Variants in ULK4 observed in about 807,000 individuals in gnomAD.
The protein encoded by ULK4 is inactive serine/threonine-protein kinase ULK4.
In ULK4, 133 loss-of-function variants were observed where a neutral mutation model predicts 160.6. The ratio of observed to expected loss-of-function variants is 0.83; its 90% CI spans 0.72 to 0.96. The LOEUF is 0.96. Among genes scored for constraint, ULK4 ranks in the 40% least tolerant of loss-of-function variants. The pLI, the probability that ULK4 is intolerant of heterozygous loss-of-function variation, is 0.00. For missense variants in ULK4, 1,580 were observed against 1,499.5 expected, an observed-to-expected ratio of 1.05 and a Z score of -0.89; for synonymous variants, 534 against 539.8, an observed-to-expected ratio of 0.99 and a Z score of 0.15.
chr3:41,755,412 T>A (rs1385043188), intron 21 of ULK4, among the ~76,000 whole-genome samples: 1 of 152,158 alleles, frequency 6.6e-6, no homozygotes, highest in African/African-American at 2.4e-5. Context: ...TATCTAAGCA[T>A]CAGTCTCACC....
At chr3:41,903,377 G>A (rs1698438580) in intron 12 of ULK4, among the ~76,000 whole-genome samples, 1 of 152,154 alleles carries the variant, frequency 6.6e-6, no homozygotes, top group Non-Finnish European at 1.5e-5. Flanking sequence ...CTGTGGCCAG[G>A]AATTCGAGAC....
intron 21 of ULK4, among the ~76,000 whole-genome samples, chr3:41,757,223 T>A (rs986143228): frequency 1.3e-5 from 2 of 152,148 alleles, no homozygotes; most frequent in African/African-American, 4.8e-5. Context: ...AAGGATAATT[T>A]AAGGTATTTC....
chr3:41,876,253 G>A (rs1008310197), intron 17 of ULK4, among the ~76,000 whole-genome samples: 1 of 152,036 alleles, frequency 6.6e-6, no homozygotes, highest in South Asian at 2.1e-4. Context: ...TGATGCAAAG[G>A]TGATTTATTT....
chr3:41,653,036 T>C (rs187586601), intron 30 of ULK4, among the ~76,000 whole-genome samples: 58 of 152,324 alleles, frequency 3.8e-4, no homozygotes, highest in African/African-American at 1.3e-3. Context: ...TTTGATATCC[T>C]GGGGTTTTAC....
intron 30 of ULK4, among the ~76,000 whole-genome samples, chr3:41,659,240 G>A (rs1328116632): frequency 3.3e-5 from 5 of 152,078 alleles, no homozygotes; most frequent in Non-Finnish European, 5.9e-5. Flanking sequence ...AAAAGCCTTC[G>A]GACTCAGCAT....
At chr3:41,561,924 G>A (rs780164721) in intron 32 of ULK4, among the ~76,000 whole-genome samples, 6 of 152,056 alleles carry the variant, frequency 3.9e-5, no homozygotes, top group Non-Finnish European at 7.4e-5. Context: ...GTTTGCTCTT[G>A]CTTCTCTAGT....
chr3:41,830,840 G>A (rs1169797644), intron 18 of ULK4, among the ~76,000 whole-genome samples: 1 of 151,708 alleles, frequency 6.6e-6, no homozygotes, highest in African/African-American at 2.4e-5. Context: ...TTCTCGGGGG[G>A]TATACAAAAC....
At chr3:41,735,693 A>ATTATTATTATTCTTATTC (rs2038011508) in intron 22 of ULK4, among the ~76,000 whole-genome samples, 2 of 148,670 alleles carry the variant, frequency 1.3e-5, no homozygotes, top group African/African-American at 5.0e-5. Context: ...CCATTTTATT[A>ATTATTATTATTCTTATTC]TTATTATTAT....
intron 19 of ULK4, among the ~76,000 whole-genome samples, chr3:41,800,717 C>T (rs577688568): frequency 2.0e-5 from 3 of 152,158 alleles, no homozygotes; most frequent in South Asian, 2.1e-4. Context: ...ATCTGAGCAC[C>T]GATCAATCAG....
At chr3:41,536,075 C>T (rs2086488589) in intron 32 of ULK4, among the ~76,000 whole-genome samples, 1 of 152,206 alleles carries the variant, frequency 6.6e-6, no homozygotes, top group South Asian at 2.1e-4. Context: ...CCACATCCCA[C>T]CCACTCCAGC....
At chr3:41,394,348 A>T (rs1252949634) in intron 35 of ULK4, among the ~76,000 whole-genome samples, 1 of 152,096 alleles carries the variant, frequency 6.6e-6, no homozygotes, top group Non-Finnish European at 1.5e-5. Context: ...ACCTGCTGCT[A>T]TTTCTCTCCA....
At chr3:41,265,711 TGA>T (rs2079019727) in intron 35 of ULK4, among the ~76,000 whole-genome samples, 1 of 152,172 alleles carries the variant, frequency 6.6e-6, no homozygotes, top group Non-Finnish European at 1.5e-5. Flanking sequence ...GCAGCCCCTT[TGA>T]GAGATCTCAC....
intron 31 of ULK4, among the ~76,000 whole-genome samples, chr3:41,599,193 G>A (rs1017241710): frequency 6.6e-6 from 1 of 152,192 alleles, no homozygotes; most frequent in Non-Finnish European, 1.5e-5. Context: ...TGATTAGGAT[G>A]AGGATAATTA....
intron 19 of ULK4, among the ~76,000 whole-genome samples, chr3:41,813,813 G>A (rs1489169215): frequency 3.9e-5 from 6 of 152,204 alleles, no homozygotes; most frequent in Admixed American, 3.3e-4. Context: ...GGTGGGCAAC[G>A]TGTGTGGAAC....
At chr3:41,599,211 G>C (rs1460659584) in intron 31 of ULK4, among the ~76,000 whole-genome samples, 1 of 152,090 alleles carries the variant, frequency 6.6e-6, no homozygotes, top group African/African-American at 2.4e-5. Context: ...TTAATATTTA[G>C]GTCAGCTGTT....
In ULK4 at chr3:41,389,800, C is replaced by T. The variant is rs192940288; in HGVS notation, c.3678+8279G>A. ...AGTATTTTATTGAGGATTTTTGCAT[C>T]GATGTTCATCAGGGATACTGGTCTA... On this transcript the variant is annotated intron_variant, in intron 35 of 36. Transcript: ENST00000301831. 2.5e-3 allele frequency among the ~76,000 whole-genome samples: 384 copies of T among 152,136 alleles called. 2 individuals are homozygous for T. The highest frequency in any genetic ancestry group is 0.015 in the East Asian group (77 of 5,180).
chr3:41,281,515 T>C (rs1419387085), intron 35 of ULK4, among the ~76,000 whole-genome samples: 4 of 152,204 alleles, frequency 2.6e-5, no homozygotes, highest in African/African-American at 7.2e-5. Context: ...TCAATGAACG[T>C]AGTCCATCAC....
chr3:41,829,347 G>C (rs980564546), intron 18 of ULK4, among the ~76,000 whole-genome samples: 1 of 146,196 alleles, frequency 6.8e-6, no homozygotes, highest in Non-Finnish European at 1.5e-5. Context: ...ACTACCATCA[G>C]AGTGAACAGG....
At chr3:41,770,528 G>C (rs1390477512) in intron 21 of ULK4, among the ~76,000 whole-genome samples, 1 of 75,768 alleles carries the variant, frequency 1.3e-5, no homozygotes, top group Non-Finnish European at 2.5e-5. Flanking sequence ...TTTTTTTTTT[G>C]AGACAGAGTA....
Sources: allele counts gnomAD v4.1 joint callset (sites outside exome capture counted in the v4.1 genomes callset), GRCh38; gene constraint gnomAD v4.1.1; transcripts MANE v1.5; gene names NCBI Gene and HGNC (gene_info 2026-07-23, HGNC 2026-07-21).